CEP350: variants seen among roughly 807,000 people sequenced by gnomAD.
CEP350 encodes centrosomal protein 350.
In CEP350, 126 loss-of-function variants were observed where a neutral mutation model predicts 331.8. The observed-to-expected ratio is 0.38, with a 90% CI of 0.33 to 0.44. The LOEUF (loss-of-function observed/expected upper bound fraction) is 0.44. Ranked by LOEUF, CEP350 falls within the 20% of genes least tolerant of loss-of-function variation. CEP350 has a pLI of 1.00. For synonymous variants in CEP350, 1,200 were observed against 1,259.5 expected, an observed-to-expected ratio of 0.95 and a Z score of 1.00; for missense variants, 3,406 against 3,634.6, an observed-to-expected ratio of 0.94 and a Z score of 1.62.
intron 18 of CEP350, 70 bp downstream of exon 18, chr1:180,041,318 C>A: frequency 8.9e-7 from 1 of 1,123,982 alleles, no homozygotes; most frequent in Non-Finnish European, 1.3e-6. Context: ...CTTTAGCGTT[C>A]TTTTAATTAT....
Position 180,041,892 on chromosome 1 carries a change from G to A in CEP350, c.4362+90G>A. The A allele has an allele frequency of 7.5e-6, 9 of 1,200,352 alleles. No homozygotes were observed. In the South Asian group the frequency reaches 1.0e-4, roughly 14 times the overall value. 74.4% of individuals were successfully genotyped at this position (1,200,352 alleles called of 1,614,324 possible). The stretch of plus-strand genomic sequence containing the variant: ...TCAGTAATGGGTTTCTAATATCTTA[G>A]TAAATGCATACTTTGAATTAGTGAC... On this transcript the variant is annotated intron_variant, in intron 19 of 37. Transcript: ENST00000367607.
chr1:180,041,293 G>A (rs1160901781), intron 18 of CEP350, 45 bp downstream of exon 18: 1 of 1,353,500 alleles, frequency 7.4e-7, no homozygotes. Context: ...ACCTAAATTT[G>A]TATCTTAGAA....
At chr1:180,024,674 A>T in intron 14 of CEP350, 92 bp downstream of exon 14, 1 of 1,343,890 alleles carries the variant, frequency 7.4e-7, no homozygotes, top group Non-Finnish European at 9.8e-7. Context: ...AGAAGTTAGA[A>T]GAATTTCTTA....
At chr1:180,007,818 AAATT>A (rs1207434632) in intron 8 of CEP350, among the ~76,000 whole-genome samples, 1 of 148,728 alleles carries the variant, frequency 6.7e-6, no homozygotes, top group Non-Finnish European at 1.5e-5. Context: ...CACATATAAA[AAATT>A]AATACATTTT....
rs1297467282 is a variant in CEP350 at position 180,014,207 on chromosome 1, T to C, written c.1754T>C (p.Ile585Thr). 2.5e-6 allele frequency: 4 copies of C among 1,610,488 alleles called. No individual in the cohort carries two copies. Among genetic ancestry groups the C allele is most frequent in the African/African-American group, 1.3e-5 (1 of 74,860 alleles). ...ACAGCTAATGAAGATCCCCCTGTTA[T>C]TTCCAAAAGGCGCCACTATGACACA... ...KITANEDPPV[I>T]SKRRHYDTDE... Residue 585 changes from isoleucine (I) to threonine (T), a missense_variant, in exon 10 of 38, where the codon ATT (isoleucine) becomes ACT (threonine). Transcript: ENST00000367607.
Position 180,087,686 on chromosome 1 carries a change from C to T in CEP350, c.6394C>T (p.Pro2132Ser), listed in dbSNP as rs1571980820. Residue 2132 changes from proline to serine, a missense_variant, in exon 32 of 38, where the codon CCC becomes TCC. Transcript: ENST00000367607. ...IKTLSSASEK[P>S]KIKPLTPLHR... ...AACGCTCTCCTCAGCTTCTGAAAAA[C>T]CCAAGATCAAACCCCTCACACCACT... 1 of 1,584,530 alleles carries T rather than the reference C, an allele frequency of 6.3e-7. No individual in the cohort carries two copies. Among genetic ancestry groups the T allele is most frequent in the Non-Finnish European group, 8.6e-7 (1 of 1,163,750 alleles).
chr1:180,077,650 G>C lies in CEP350; in HGVS notation c.5768-813G>C, dbSNP rs1415856972. 3.3e-5 allele frequency among the ~76,000 whole-genome samples: 3 copies of C among 90,104 alleles called. No individual in the cohort carries two copies. In the East Asian group the frequency reaches 1.1e-3, roughly 33 times the overall value. 59.1% of individuals were successfully genotyped at this position (90,104 alleles called of 152,430 possible). A position where few individuals can be genotyped will look rare whatever the true frequency, so the allele number is the denominator to read the frequency against. ...ACTGCACTCCAGCCTGGGTGACAAA[G>C]CAAGACCCTGTCTCAAAAAGTAAAA... On this transcript the variant is annotated intron_variant, in intron 28 of 37. Transcript: ENST00000367607.
intron 1 of CEP350, among the ~76,000 whole-genome samples, chr1:179,962,187 TTATGTCTA>T (rs1463460221): frequency 6.6e-6 from 1 of 152,228 alleles, no homozygotes; most frequent in Middle Eastern, 3.4e-3. Flanking sequence ...ATTTTCATCT[TTATGTCTA>T]TATTTACCTA....
At chr1:180,081,485 A>T (rs1659562253) in intron 30 of CEP350, among the ~76,000 whole-genome samples, 1 of 152,208 alleles carries the variant, frequency 6.6e-6, no homozygotes, top group Admixed American at 6.5e-5. Context: ...AAACATCTTT[A>T]TTTAAAGATT....
At chr1:180,090,076 A>G (rs1425807689) in intron 32 of CEP350, among the ~76,000 whole-genome samples, 1 of 152,234 alleles carries the variant, frequency 6.6e-6, no homozygotes, top group African/African-American at 2.4e-5. Flanking sequence ...CTTTGAACAA[A>G]TAAGAGAGAG....
intron 25 of CEP350, among the ~76,000 whole-genome samples, chr1:180,061,294 C>T (rs1658215034): frequency 6.6e-6 from 1 of 152,072 alleles, no homozygotes; most frequent in Non-Finnish European, 1.5e-5. Flanking sequence ...CTCCTGGGCT[C>T]AGGTTGATCC....
At chr1:180,034,354 G>T (rs1425048352) in intron 16 of CEP350, among the ~76,000 whole-genome samples, 1 of 152,046 alleles carries the variant, frequency 6.6e-6, no homozygotes. Context: ...ATATGTATAT[G>T]CATGTATACA....
At chr1:180,056,491 A>G (rs796382121) in intron 25 of CEP350, among the ~76,000 whole-genome samples, 11 of 96,618 alleles carry the variant, frequency 1.1e-4, no homozygotes, top group African/African-American at 4.7e-4. Context: ...TTTTTTTGAG[A>G]CAGGGTCCCA....
chr1:180,014,519 C>T lies in CEP350; in HGVS notation c.2052+14C>T. 6.4e-7 allele frequency: 1 copy of T among 1,571,014 alleles called. No homozygotes were observed. Among genetic ancestry groups the T allele is most frequent in the Non-Finnish European group, 8.6e-7 (1 of 1,163,462 alleles). ...CAGGAAACACAGGTAATAGTAGTGA[C>T]ATATACAAAGGAGAGTCATTCATGG... On this transcript the variant is annotated intron_variant, in intron 10 of 37. Coordinates refer to ENST00000367607, the MANE Select transcript of CEP350 (RefSeq NM_014810.5).
At chr1:180,058,031 G>A (rs1657966386) in intron 25 of CEP350, among the ~76,000 whole-genome samples, 3 of 152,092 alleles carry the variant, frequency 2.0e-5, no homozygotes, top group Admixed American at 2.0e-4. Flanking sequence ...GTGTTGACTG[G>A]TGTAACCACT....
Position 180,053,166 on chromosome 1 carries a change from G to T in CEP350, c.4989G>T (p.Lys1663Asn). Residue 1663 changes from lysine to asparagine, a missense_variant and splice_region_variant, in exon 23 of 38, where the codon AAG becomes AAT. Physicochemically the swap from Lys to Asn is moderately conservative, Grantham distance 94. This residue lies in a region of CEP350 where 104 missense variants were observed against 143.3 expected (regional missense o/e 0.73). Coordinates refer to ENST00000367607, the MANE Select transcript of CEP350 (RefSeq NM_014810.5). ...AAAAAACTACACTGTCTACTGCCAA[G>T]GTGTGTTTCACTTTATCTGTGGAGG... ...SPEKTTLSTAKELNMPFSGGQ... is the reference protein window; with the variant it reads ...SPEKTTLSTANELNMPFSGGQ... 1 of 1,545,556 alleles carries T rather than the reference G, an allele frequency of 6.5e-7. No homozygotes were observed. Among genetic ancestry groups the T allele is most frequent in the Non-Finnish European group, 8.7e-7 (1 of 1,146,070 alleles).
At chr1:180,106,683 C>A (rs374859341) in intron 37 of CEP350, among the ~76,000 whole-genome samples, 2 of 152,162 alleles carry the variant, frequency 1.3e-5, no homozygotes, top group Non-Finnish European at 2.9e-5. Context: ...CCTCCTGCCT[C>A]GGTCTTCCAA....
Position 180,080,147 on chromosome 1 carries a change from C to G in CEP350, c.5980-370C>G, listed in dbSNP as rs916343868. Among the ~76,000 whole-genome samples the G allele has an allele frequency of 5.3e-5, 8 of 152,102 alleles. No individual in the cohort carries two copies. The South Asian group carries it at 1.4e-3, about 28-fold the overall frequency. On this transcript the variant is annotated intron_variant, in intron 29 of 37. Coordinates refer to ENST00000367607, the MANE Select transcript of CEP350 (RefSeq NM_014810.5). ...CGCTCTGTTTTCTTCTTCCCTTCCT[C>G]TCTCCTTTCCGTAAAAGTAGTACAT...
intron 8 of CEP350, among the ~76,000 whole-genome samples, chr1:180,010,921 T>C (rs534650203): frequency 6.6e-5 from 10 of 152,182 alleles, no homozygotes; most frequent in Non-Finnish European, 1.3e-4. Flanking sequence ...CTGTTTCTTA[T>C]ATTACTTTGC....
Sources: gnomAD v4.1 joint callset for allele counts (sites outside exome capture counted in the v4.1 genomes callset) on GRCh38, gnomAD v4.1.1 for gene constraint, gnomAD v4.1.1 regional missense constraint, MANE v1.5 for transcripts, NCBI Gene and HGNC (gene_info 2026-07-23, HGNC 2026-07-21) for gene names.